PARVB: variants seen among roughly 807,000 people sequenced by gnomAD.
PARVB encodes beta-parvin.
PARVB carries 46 observed loss-of-function variants against 47.0 expected under a neutral mutation model. That is an observed-to-expected ratio of 0.98 (90% confidence interval 0.77 to 1.25). The LOEUF (loss-of-function observed/expected upper bound fraction) is 1.25. PARVB is among the 50% of genes most tolerant of loss of function. PARVB has a pLI of 0.00. For missense variants in PARVB, 473 were observed against 471.6 expected (o/e 1.00, Z -0.03); for synonymous variants, 196 against 196.3 (o/e 1.00, Z 0.01).
chr22:44,053,326 C>T (rs531516585), intron 1 of PARVB, among the ~76,000 whole-genome samples: 1 of 152,294 alleles, frequency 6.6e-6, no homozygotes, highest in South Asian at 2.1e-4. Context: ...TCATGATCCG[C>T]CCTCCTTGGC....
chr22:44,163,747 G>A (rs965719350), intron 11 of PARVB, 111 bp from the exon 12 acceptor site: 17 of 875,762 alleles, frequency 1.9e-5, no homozygotes, highest in South Asian at 3.8e-5. Context: ...CCTTGTGGAC[G>A]TCAGCGTTGC....
intron 1 of PARVB, among the ~76,000 whole-genome samples, chr22:44,058,168 A>G (rs1444985764): frequency 1.3e-5 from 2 of 152,204 alleles, no homozygotes; most frequent in African/African-American, 4.8e-5. Flanking sequence ...ACAGAGCAGA[A>G]GTTTATTCTC....
intron 1 of PARVB, among the ~76,000 whole-genome samples, chr22:44,064,186 C>G (rs149536395): frequency 6.6e-6 from 1 of 152,154 alleles, no homozygotes; most frequent in Admixed American, 6.5e-5. Flanking sequence ...TCCTTCCTGC[C>G]GAGACCACCA....
intron 1 of PARVB, among the ~76,000 whole-genome samples, chr22:44,059,825 T>G (rs899372746): frequency 6.6e-6 from 1 of 152,188 alleles, no homozygotes; most frequent in Admixed American, 6.5e-5. Context: ...CTGCTGTCAT[T>G]TGGTTTTAAA....
At chr22:44,086,796 C>T in intron 1 of PARVB, 2 of 985,456 alleles carry the variant, frequency 2.0e-6, no homozygotes, top group Non-Finnish European at 2.4e-6. Flanking sequence ...ATTACAGCTT[C>T]TACGAAGAAA....
Position 44,147,934 on chromosome 22 carries a change from G to A in PARVB, c.774+12G>A. On this transcript the variant is annotated intron_variant, in intron 9 of 12. Transcript: ENST00000338758. Reference sequence around the variant, plus strand: ...GCGTGGTGAAGAAGGTGAGCTATTGGTGGGATGTTGGATGTGCTCTCCCCT... The same window carrying A: ...GCGTGGTGAAGAAGGTGAGCTATTGATGGGATGTTGGATGTGCTCTCCCCT... The A allele has an allele frequency of 6.2e-7, 1 of 1,612,804 alleles. No homozygotes were observed. Among genetic ancestry groups the A allele is most frequent in the Non-Finnish European group, 8.5e-7 (1 of 1,178,948 alleles).
intron 1 of PARVB, among the ~76,000 whole-genome samples, chr22:44,050,094 C>T (rs1172083280): frequency 1.3e-5 from 2 of 152,146 alleles, no homozygotes; most frequent in Admixed American, 6.5e-5. Flanking sequence ...GATGAACGGG[C>T]CTCCTCTCCC....
intron 8 of PARVB, chr22:44,143,894 C>A (rs1015408021): frequency 6.6e-6 from 1 of 152,378 alleles, no homozygotes; most frequent in African/African-American, 2.4e-5. Context: ...TCACTCTCTT[C>A]CCCCTCATTG....
At chr22:44,115,615 C>G (rs1409781020) in intron 3 of PARVB, 1 of 74,450 alleles carries the variant, frequency 1.3e-5, no homozygotes, top group African/African-American at 7.9e-5. Context: ...AGGCCCTGCA[C>G]CAACACAGAT....
At chr22:44,024,538 G>T in intron 1 of PARVB, 87 bp downstream of exon 1, 5 of 555,644 alleles carry the variant, frequency 9.0e-6, no homozygotes, top group Non-Finnish European at 1.2e-5. Flanking sequence ...GGCCGCCCCC[G>T]CCCTCCCCCA....
intron 1 of PARVB, among the ~76,000 whole-genome samples, chr22:44,072,780 T>C (rs913404373): frequency 1.4e-4 from 22 of 152,248 alleles, no homozygotes; most frequent in African/African-American, 5.3e-4. Context: ...ATTAGACATC[T>C]TCCTGCTACA....
chr22:44,075,516 C>A (rs2051750702), intron 1 of PARVB, among the ~76,000 whole-genome samples: 1 of 152,182 alleles, frequency 6.6e-6, no homozygotes, highest in Non-Finnish European at 1.5e-5. Context: ...AGGGGCCCCT[C>A]TTGGTGCTGG....
chr22:44,061,274 C>CA (rs974344864), intron 1 of PARVB, among the ~76,000 whole-genome samples: 2 of 151,912 alleles, frequency 1.3e-5, no homozygotes, highest in African/African-American at 4.8e-5. Flanking sequence ...ACTAAAAGTA[C>CA]AAAAAAATTA....
intron 8 of PARVB, chr22:44,142,405 A>AG: frequency 8.0e-6 from 1 of 124,512 alleles, no homozygotes; most frequent in Admixed American, 8.5e-5. Context: ...AAAAAAAAAA[A>AG]AAAAAAAAAG....
At chr22:44,062,029 CA>C (rs1447364309) in intron 1 of PARVB, among the ~76,000 whole-genome samples, 1 of 152,214 alleles carries the variant, frequency 6.6e-6, no homozygotes, top group Admixed American at 6.5e-5. Context: ...ATCCATGAAT[CA>C]AGGCGATTGA....
chr22:44,010,923 G>A (rs181639102), intron 2 of PARVB, among the ~76,000 whole-genome samples: 39 of 132,416 alleles, frequency 2.9e-4, no homozygotes, highest in African/African-American at 1.2e-3. Flanking sequence ...ATGGAGTCTC[G>A]CTCTGTCGCC....
At position 44,049,131 on chromosome 22, in the gene PARVB, G is replaced by C. The variant is rs1203571510; in HGVS notation, c.112+24680G>C. 6.6e-6 allele frequency among the ~76,000 whole-genome samples: 1 copy of C among 152,150 alleles called. No homozygotes were observed. Among genetic ancestry groups the C allele is most frequent in the Non-Finnish European group, 1.5e-5 (1 of 68,024 alleles). On this transcript the variant is annotated intron_variant, in intron 1 of 12. Transcript: ENST00000338758. The surrounding 1 kb of genome is among the most constrained non-coding windows in gnomAD (Gnocchi z 4.0). ...CTGTGCCACTTCCCCTGCAAAATGAGATGAAAATGAGTCTCATTTTACGAT... is the reference window on the plus strand; with the variant it reads ...CTGTGCCACTTCCCCTGCAAAATGACATGAAAATGAGTCTCATTTTACGAT...
chr22:44,111,432 C>CTTTTTTTTTTT (rs10527330), intron 3 of PARVB: 1 of 59,234 alleles, frequency 1.7e-5, no homozygotes, highest in African/African-American at 7.2e-5. Context: ...CCTGCAAAAC[C>CTTTTTTTTTTT]TTTTTTTTTT....
intron 1 of PARVB, among the ~76,000 whole-genome samples, chr22:44,071,577 T>C (rs915084406): frequency 6.6e-6 from 1 of 152,254 alleles, no homozygotes; most frequent in South Asian, 2.1e-4. Flanking sequence ...CTGTGGCCTA[T>C]TGATAACCTC....
Sources: allele counts gnomAD v4.1 joint callset (sites outside exome capture counted in the v4.1 genomes callset), GRCh38; gene constraint gnomAD v4.1.1; non-coding constraint Gnocchi (gnomAD v3.1); transcripts MANE v1.5; gene names NCBI Gene and HGNC (gene_info 2026-07-23, HGNC 2026-07-21).